Variants in BIN2 observed in about 807,000 individuals in gnomAD.
BIN2 encodes the protein breast cancer associated protein BRAP1.
BIN2 carries 43 observed loss-of-function variants against 67.9 expected under a neutral mutation model. The ratio of observed to expected loss-of-function variants is 0.63; its 90% confidence interval spans 0.50 to 0.82. The LOEUF (loss-of-function observed/expected upper bound fraction) is 0.82. BIN2 is among the 40% of genes least tolerant of loss of function. BIN2 has a pLI of 0.00. For synonymous variants in BIN2, 244 were observed against 246.8 expected (o/e 0.99, Z 0.11); for missense variants, 581 against 671.6 (o/e 0.87, Z 1.49).
Position 51,299,293 on chromosome 12 carries a change from G to A in BIN2, c.517-5C>T, listed in dbSNP as rs376886375. 1.2e-6 allele frequency: 2 copies of A among 1,611,872 alleles called. No individual in the cohort carries two copies. Among genetic ancestry groups the A allele is most frequent in the African/African-American group, 2.7e-5 (2 of 74,964 alleles). ...TTTGTTGAACTCTTCCTCTGCCTAGGTGGTAAAAGAGACAAGACAATCTCC... is the reference window on the plus strand; with the variant it reads ...TTTGTTGAACTCTTCCTCTGCCTAGATGGTAAAAGAGACAAGACAATCTCC... On this transcript the variant is annotated splice_region_variant and splice_polypyrimidine_tract_variant and intron_variant, in intron 6 of 12. Coordinates refer to ENST00000615107, the MANE Select transcript of BIN2 (RefSeq NM_016293.4).
At chr12:51,287,693 C>A (rs1945272090) in intron 11 of BIN2, among the ~76,000 whole-genome samples, 1 of 151,456 alleles carries the variant, frequency 6.6e-6, no homozygotes, top group South Asian at 2.1e-4. Context: ...GCTCTGTCAC[C>A]CAGGCTGGAG....
At chr12:51,304,246 T>G (rs1015246514) in intron 2 of BIN2, 2 of 152,718 alleles carry the variant, frequency 1.3e-5, no homozygotes, top group African/African-American at 4.8e-5. Flanking sequence ...CAAGACTCCA[T>G]CTCAAAACAA....
chr12:51,302,401 G>T lies in BIN2; in HGVS notation c.312+285C>A, dbSNP rs574430063. ...AAAGTTTAAGAGTGTATAACTGCAT[G>T]AAGTTTGTTTTAAAAAACAACCAAT... is the stretch of plus-strand genomic sequence containing the variant. On this transcript the variant is annotated intron_variant, in intron 4 of 12. Transcript: ENST00000615107. 371 of 523,730 alleles carry T rather than the reference G, an allele frequency of 7.1e-4. 2 individuals are homozygous for T. The highest frequency in any genetic ancestry group is 1.2e-3 in the Non-Finnish European group (347 of 292,902). The allele number at this position is 523,730 out of a possible 1,614,324, so 32.4% of individuals were successfully genotyped here. A position where few individuals can be genotyped will look rare whatever the true frequency, so the allele number is the denominator to read the frequency against.
At chr12:51,297,022 G>A in intron 8 of BIN2, 67 bp downstream of exon 8, 1 of 1,425,858 alleles carries the variant, frequency 7.0e-7, no homozygotes, top group Non-Finnish European at 9.8e-7. Flanking sequence ...AATCATGTAA[G>A]TCAAGGCTAC....
At chr12:51,288,237 T>G in intron 10 of BIN2, 49 bp from the exon 11 acceptor site, 3 of 1,499,792 alleles carry the variant, frequency 2.0e-6, no homozygotes, top group Non-Finnish European at 2.8e-6. Flanking sequence ...ACCTTCCACC[T>G]GGGGGCCATC....
intron 1 of BIN2, among the ~76,000 whole-genome samples, chr12:51,322,308 C>T (rs532956208): frequency 9.2e-5 from 14 of 152,234 alleles, no homozygotes; most frequent in South Asian, 6.2e-4. Context: ...AGTGAAAGCC[C>T]AAAGCAAGGT....
At chr12:51,283,514 T>C (rs577779262) in intron 12 of BIN2, among the ~76,000 whole-genome samples, 1 of 152,228 alleles carries the variant, frequency 6.6e-6, no homozygotes, top group African/African-American at 2.4e-5. Context: ...TGTCTAGCTA[T>C]GTTGCCCAGG....
intron 1 of BIN2, among the ~76,000 whole-genome samples, 161 bp from the exon 2 acceptor site, chr12:51,314,064 T>A (rs74417851): frequency 7.8e-6 from 1 of 128,480 alleles, no homozygotes; most frequent in Non-Finnish European, 1.8e-5. Context: ...TTATTTATTT[T>A]TGAGACGGAG....
At chr12:51,322,140 T>G (rs1055552153) in intron 1 of BIN2, among the ~76,000 whole-genome samples, 1 of 143,294 alleles carries the variant, frequency 7.0e-6, no homozygotes, top group African/African-American at 2.5e-5. Flanking sequence ...CTTTGGGAAG[T>G]ATTTGACTCT....
intron 1 of BIN2, chr12:51,323,231 G>C (rs1273996078): frequency 6.6e-6 from 1 of 152,252 alleles, no homozygotes; most frequent in East Asian, 1.9e-4. Flanking sequence ...GGAGAGCAGA[G>C]GCTCAGGTTA....
At chr12:51,322,002 T>C (rs1946295541) in intron 1 of BIN2, among the ~76,000 whole-genome samples, 1 of 152,192 alleles carries the variant, frequency 6.6e-6, no homozygotes, top group Non-Finnish European at 1.5e-5. Context: ...TACCCTTTTG[T>C]CTAGTCTAGG....
Position 51,302,009 on chromosome 12 carries a change from A to G in BIN2, c.408+11T>C, listed in dbSNP as rs1945734836. On this transcript the variant is annotated intron_variant, in intron 5 of 12. Transcript: ENST00000615107. ...ATCCACAACCCAGCCTTGATTCTGT[A>G]CATTGAGTACCTTAATTTCACTGAA... The G allele has an allele frequency of 6.4e-7, 1 of 1,567,242 alleles. No individual in the cohort carries two copies. Among genetic ancestry groups the G allele is most frequent in the African/African-American group, 1.4e-5 (1 of 69,992 alleles).
intron 11 of BIN2, among the ~76,000 whole-genome samples, chr12:51,286,718 C>T (rs752337100): frequency 5.9e-5 from 9 of 152,198 alleles, no homozygotes; most frequent in Admixed American, 2.6e-4. Context: ...CTCAAAACCC[C>T]GCATCTATCC....
At chr12:51,323,136 G>A (rs1368043686) in intron 1 of BIN2, 5 of 152,328 alleles carry the variant, frequency 3.3e-5, no homozygotes, top group Non-Finnish European at 7.3e-5. Context: ...CTCTATCTCA[G>A]GTCCTTCTTG....
At chr12:51,284,428 TA>T (rs751771922) in intron 12 of BIN2, among the ~76,000 whole-genome samples, 34 of 152,034 alleles carry the variant, frequency 2.2e-4, no homozygotes, top group Admixed American at 3.3e-4. Context: ...TTTTTGCATT[TA>T]AAAAAAATAT....
In BIN2 at chr12:51,299,685, G is replaced by A. The variant is rs78442656; in HGVS notation, c.438C>T (p.Leu146=). The change falls in exon 6 of 13, where the codon CTC becomes CTT. Residue 146 remains leucine, a synonymous_variant. Coordinates refer to ENST00000615107, the MANE Select transcript of BIN2 (RefSeq NM_016293.4). The part of the protein sequence containing the change: ...KERIAKRGRK[L]VDYDSARHHL... ...GGTGTCGGGCACTGTCATAGTCCACGAGTTTCCGACCCCGCTTGGCAATTC... is the reference window on the plus strand; with the variant it reads ...GGTGTCGGGCACTGTCATAGTCCACAAGTTTCCGACCCCGCTTGGCAATTC... The A allele has an allele frequency of 2.1e-5, 34 of 1,614,002 alleles. No individual in the cohort carries two copies. In the African/African-American group the frequency reaches 2.5e-4, roughly 12 times the overall value.
intron 9 of BIN2, among the ~76,000 whole-genome samples, chr12:51,293,307 A>T (rs971698870): frequency 2.0e-5 from 3 of 151,594 alleles, no homozygotes; most frequent in South Asian, 4.2e-4. Flanking sequence ...CCTTATTTTT[A>T]TTTATTTTTT....
intron 4 of BIN2, 90 bp from the exon 5 acceptor site, chr12:51,302,205 C>T (rs1175017511): frequency 1.9e-5 from 18 of 933,748 alleles, no homozygotes; most frequent in Non-Finnish European, 2.9e-5. Context: ...CTGCAAAAAC[C>T]TTTTTTGTAG....
Position 51,292,316 on chromosome 12 carries a change from G to A in BIN2, c.790C>T (p.Pro264Ser), listed in dbSNP as rs1291691495. ...SSSRRSLVIS[P>S]PVRTATVSSP... is the part of the protein sequence containing the mutation. Reference sequence around the variant, plus strand: ...GAGACTGTAGCTGTTCGAACTGGGGGAGAAATGACTAAAGAGCGCCTGCTG... The same window carrying A: ...GAGACTGTAGCTGTTCGAACTGGGGAAGAAATGACTAAAGAGCGCCTGCTG... The change falls in exon 10 of 13, where the codon CCC becomes TCC. Residue 264 changes from proline (P) to serine (S), a missense_variant. Transcript: ENST00000615107. 2.5e-6 allele frequency: 4 copies of A among 1,591,170 alleles called. No homozygotes were observed. Among genetic ancestry groups the A allele is most frequent in the Non-Finnish European group, 3.4e-6 (4 of 1,173,906 alleles).
Sources: allele counts gnomAD v4.1 joint callset (sites outside exome capture counted in the v4.1 genomes callset), GRCh38; gene constraint gnomAD v4.1.1; transcripts MANE v1.5; gene names NCBI Gene and HGNC (gene_info 2026-07-23, HGNC 2026-07-21).